Variants in IFT74 observed in about 807,000 individuals in gnomAD.
The protein encoded by IFT74 is intraflagellar transport protein 74 homolog.
A neutral mutation model predicts 96.7 loss-of-function variants in IFT74; 92 were observed. That is an observed-to-expected ratio of 0.95 (90% confidence interval 0.80 to 1.13). The LOEUF is 1.13. Ranked by LOEUF, IFT74 falls within the 50% of genes most tolerant of loss-of-function variation. The pLI, the probability that IFT74 is intolerant of heterozygous loss-of-function variation, is 0.00. For synonymous variants in IFT74, 223 were observed against 213.2 expected, an observed-to-expected ratio of 1.05 and a Z score of -0.40; for missense variants, 811 against 698.2, an observed-to-expected ratio of 1.16 and a Z score of -1.82.
intron 13 of IFT74, 32 bp from the exon 14 acceptor site, chr9:27,044,710 G>T: frequency 7.2e-7 from 1 of 1,380,318 alleles, no homozygotes; most frequent in Non-Finnish European, 1.0e-6. Context: ...TGCAATTTTT[G>T]AAATTCATGT....
Position 26,978,220 on chromosome 9 carries a change from T to A in IFT74, c.213T>A (p.Pro71=), listed in dbSNP as rs1187497905. The change falls in exon 3 of 20, where the codon CCT becomes CCA. Residue 71 remains proline (P), a synonymous_variant. Transcript: ENST00000380062. ...LSSQIKVAHR[P]VTQQGLTGMK... ...CTCAAATCAAAGTTGCCCATCGCCC[T>A]GTAACACAACAAGGTTTGACTGGAA... 1.2e-6 allele frequency: 2 copies of A among 1,613,476 alleles called. No homozygotes were observed.
chr9:27,045,743 C>G (rs1819671901), intron 14 of IFT74, among the ~76,000 whole-genome samples: 1 of 152,120 alleles, frequency 6.6e-6, no homozygotes, highest in African/African-American at 2.4e-5. Context: ...GGTCTGATGT[C>G]AATAGTTACC....
At chr9:26,954,462 T>C (rs1472358438), upstream of IFT74, among the ~76,000 whole-genome samples, 26 of 152,178 alleles carry the variant, frequency 1.7e-4, 1 homozygote, top group Admixed American at 1.7e-3. Context: ...TGGAGCTGCC[T>C]AATTCATGAA....
intron 18 of IFT74, among the ~76,000 whole-genome samples, chr9:27,059,261 A>G (rs1051357136): frequency 6.6e-6 from 1 of 152,180 alleles, no homozygotes; most frequent in Non-Finnish European, 1.5e-5. Flanking sequence ...ATCTTTCACA[A>G]TTATCTTCTT....
At chr9:27,010,996 A>G (rs1829039136) in intron 9 of IFT74, among the ~76,000 whole-genome samples, 1 of 152,214 alleles carries the variant, frequency 6.6e-6, no homozygotes. Context: ...CTGACAATTT[A>G]GTAACCTTTT....
upstream of IFT74, among the ~76,000 whole-genome samples, chr9:26,951,428 C>T (rs1712469098): frequency 6.6e-6 from 1 of 151,462 alleles, no homozygotes; most frequent in Admixed American, 6.6e-5. Flanking sequence ...GACTCTGGTG[C>T]CAAAACTTTG....
At chr9:27,027,907 G>C (rs1829943660) in intron 12 of IFT74, among the ~76,000 whole-genome samples, 1 of 152,066 alleles carries the variant, frequency 6.6e-6, no homozygotes, top group Non-Finnish European at 1.5e-5. Context: ...TAAAGACTAT[G>C]TCTATGTTTT....
At chr9:26,953,653 T>G (rs1445010716), upstream of IFT74, among the ~76,000 whole-genome samples, 1 of 152,000 alleles carries the variant, frequency 6.6e-6, no homozygotes, top group Non-Finnish European at 1.5e-5. Flanking sequence ...CCTCAAAGTG[T>G]CTTTTCTTTT....
At chr9:27,010,718 TCGGCTTCC>T in intron 9 of IFT74, among the ~76,000 whole-genome samples, 1 of 119,788 alleles carries the variant, frequency 8.3e-6, no homozygotes, top group Non-Finnish European at 1.9e-5. Context: ...TCCGCCCCCC[TCGGCTTCC>T]CAAAGTGCTG....
intron 14 of IFT74, among the ~76,000 whole-genome samples, chr9:27,046,065 T>C (rs1337477416): frequency 3.9e-5 from 6 of 152,200 alleles, no homozygotes; most frequent in African/African-American, 1.2e-4. Flanking sequence ...CTAGCTCAGA[T>C]TTCTTTCCAC....
intron 13 of IFT74, among the ~76,000 whole-genome samples, chr9:27,043,129 T>C (rs1819547804): frequency 6.6e-6 from 1 of 152,178 alleles, no homozygotes; most frequent in Admixed American, 6.5e-5. Flanking sequence ...CTTATCTGAG[T>C]GGATCCAGGG....
chr9:26,997,653 G>A (rs570639657), intron 8 of IFT74: 26 of 1,459,138 alleles, frequency 1.8e-5, no homozygotes, highest in Middle Eastern at 2.5e-4. Context: ...TCTTTAAAAC[G>A]TGATATGAGA....
intron 16 of IFT74, among the ~76,000 whole-genome samples, chr9:27,051,546 C>A (rs1819924349): frequency 6.6e-6 from 1 of 152,158 alleles, no homozygotes; most frequent in Non-Finnish European, 1.5e-5. Flanking sequence ...TCTTGCAGAA[C>A]AAAAACACTT....
At chr9:27,055,466 A>T in intron 16 of IFT74, 143 bp from the exon 17 acceptor site, 1 of 560,858 alleles carries the variant, frequency 1.8e-6, no homozygotes, top group Non-Finnish European at 3.0e-6. Context: ...TTCTTAGTTT[A>T]TATTATCTCA....
Position 26,984,539 on chromosome 9 carries a change from C to T in IFT74, c.445C>T (p.Gln149Ter). Reference sequence around the variant, plus strand: ...TGTTGAGATAAAAGAGCTTCAAGGACAACTAGCAGACTACAACATGGTATT... The same window carrying T: ...TGTTGAGATAAAAGAGCTTCAAGGATAACTAGCAGACTACAACATGGTATT... ...LAVEIKELQGQLADYNMLVDK... is the reference protein window; with the variant it reads ...LAVEIKELQG The change falls in exon 6 of 20, where the codon CAA (glutamine) becomes TAA (stop). Residue 149 changes from glutamine to a stop codon, truncating the protein, a stop_gained. Coordinates refer to ENST00000380062, the MANE Select transcript of IFT74 (RefSeq NM_025103.4). LOFTEE classifies it high-confidence loss of function. 1 of 1,611,780 alleles carries T rather than the reference C, an allele frequency of 6.2e-7. No homozygotes were observed.
intron 4 of IFT74, among the ~76,000 whole-genome samples, chr9:26,981,768 ATTT>A (rs57916629): frequency 3.9e-5 from 5 of 128,762 alleles, no homozygotes; most frequent in Admixed American, 2.4e-4. Context: ...GATAAGAATA[ATTT>A]TTTTTTTTTT....
chr9:27,026,443 A>G (rs1333419655), intron 12 of IFT74, among the ~76,000 whole-genome samples: 1 of 152,182 alleles, frequency 6.6e-6, no homozygotes, highest in Non-Finnish European at 1.5e-5. Context: ...CAAAGAAACA[A>G]TGGATTTAAA....
chr9:26,953,584 C>A (rs1032059102), upstream of IFT74, among the ~76,000 whole-genome samples: 1 of 152,182 alleles, frequency 6.6e-6, no homozygotes, highest in African/African-American at 2.4e-5. Flanking sequence ...TGTACATATT[C>A]ACTAGTAAGT....
At chr9:27,056,715 A>C (rs2131705439) in intron 18 of IFT74, among the ~76,000 whole-genome samples, 1 of 152,172 alleles carries the variant, frequency 6.6e-6, no homozygotes, top group African/African-American at 2.4e-5. Flanking sequence ...AGTATATTTT[A>C]AAAATTTTGG....
Sources: gnomAD v4.1 joint callset for allele counts (sites outside exome capture counted in the v4.1 genomes callset) on GRCh38, gnomAD v4.1.1 for gene constraint, MANE v1.5 for transcripts, NCBI Gene and HGNC (gene_info 2026-07-23, HGNC 2026-07-21) for gene names.